The following IFT46 variants were observed in gnomAD, a reference collection of about 807,000 sequenced individuals.
IFT46 encodes intraflagellar transport protein 46 homolog.
IFT46 carries 19 observed loss-of-function variants against 39.6 expected under a neutral mutation model. The ratio of observed to expected loss-of-function variants is 0.48; its 90% CI spans 0.33 to 0.70. The LOEUF is 0.70. IFT46 is among the 30% of genes least tolerant of loss of function. IFT46 has a pLI of 0.01. For synonymous variants in IFT46, 117 were observed against 134.8 expected, an observed-to-expected ratio of 0.87 and a Z score of 0.91; for missense variants, 334 against 364.8, an observed-to-expected ratio of 0.92 and a Z score of 0.69.
At chr11:118,561,482 T>G in intron 2 of IFT46, 1 of 782,736 alleles carries the variant, frequency 1.3e-6, no homozygotes, top group Admixed American at 2.0e-5. Flanking sequence ...AAAGAATAGG[T>G]GGAACTGTCC....
chr11:118,571,308 G>A (rs1938330889), intron 1 of IFT46, among the ~76,000 whole-genome samples: 1 of 152,010 alleles, frequency 6.6e-6, no homozygotes, highest in Admixed American at 6.6e-5. Flanking sequence ...ATATTCCATT[G>A]CATATATATG....
chr11:118,576,151 AT>A (rs1479672702), upstream of IFT46, among the ~76,000 whole-genome samples: 1 of 151,548 alleles, frequency 6.6e-6, no homozygotes, highest in Non-Finnish European at 1.5e-5. Flanking sequence ...CAGAAACCTA[AT>A]TCTCCAGGTT....
At chr11:118,557,668 A>G in intron 3 of IFT46, 2 of 1,569,728 alleles carry the variant, frequency 1.3e-6, no homozygotes, top group Non-Finnish European at 1.8e-6. Flanking sequence ...TTACCCCATA[A>G]ATTACATAAA....
At chr11:118,557,647 T>A (rs1434346663) in intron 3 of IFT46, 2 of 1,468,730 alleles carry the variant, frequency 1.4e-6, no homozygotes, top group Admixed American at 3.4e-5. Context: ...CCTATCTGTA[T>A]TTCCCTTCCC....
chr11:118,558,505 G>C (rs1364577786), intron 3 of IFT46, among the ~76,000 whole-genome samples: 1 of 152,152 alleles, frequency 6.6e-6, no homozygotes, highest in Non-Finnish European at 1.5e-5. Context: ...TGAGGCAGGA[G>C]AATTGCTTGA....
chr11:118,556,877 C>G (rs1555069587), intron 4 of IFT46, 29 bp downstream of exon 4: 3 of 1,516,176 alleles, frequency 2.0e-6, no homozygotes, highest in Non-Finnish European at 2.7e-6. Flanking sequence ...TTCTGAAGAG[C>G]ACCCTTGGCT....
At chr11:118,574,849 C>T (rs1240249893), upstream of IFT46, among the ~76,000 whole-genome samples, 3 of 152,090 alleles carry the variant, frequency 2.0e-5, no homozygotes, top group Admixed American at 6.6e-5. Flanking sequence ...GCACTGCGGC[C>T]TAGAACTCCT....
At chr11:118,547,530 T>C (rs557121441) in intron 9 of IFT46, among the ~76,000 whole-genome samples, 22 of 152,256 alleles carry the variant, frequency 1.4e-4, no homozygotes, top group African/African-American at 5.3e-4. Context: ...GCAATTCTCC[T>C]GTCTCAGCCT....
chr11:118,545,717 G>T, intron 10 of IFT46, 76 bp downstream of exon 10: 2 of 1,449,248 alleles, frequency 1.4e-6, no homozygotes, highest in Non-Finnish European at 1.9e-6. Flanking sequence ...TATCTTCCCA[G>T]AGTAAACAAG....
chr11:118,552,896 A>G (rs1323224430), intron 7 of IFT46, among the ~76,000 whole-genome samples: 1 of 147,600 alleles, frequency 6.8e-6, no homozygotes, highest in Non-Finnish European at 1.5e-5. Context: ...ACATAGGGAG[A>G]CCCTACCTCT....
chr11:118,556,941 A>T lies in IFT46; in HGVS notation c.150T>A (p.Asp50Glu). Residue 50 changes from aspartate to glutamate, a missense_variant, in exon 4 of 12, where the codon GAT becomes GAA. Coordinates refer to ENST00000264021, the MANE Select transcript of IFT46 (RefSeq NM_001168618.2). ...DDSSETDSDSDDDDEEHGAPL... is the reference protein window; with the variant it reads ...DDSSETDSDSEDDDEEHGAPL... The stretch of plus-strand genomic sequence containing the variant: ...GGGCTCCATGCTCTTCATCATCATC[A>T]TCAGAATCAGAATCAGTTTCAGATG... The T allele has an allele frequency of 3.7e-6, 6 of 1,609,364 alleles. No individual in the cohort carries two copies. The highest frequency in any genetic ancestry group is 5.1e-6 in the Non-Finnish European group (6 of 1,177,402).
chr11:118,560,760 G>T, intron 2 of IFT46: 1 of 695,708 alleles, frequency 1.4e-6, no homozygotes, highest in East Asian at 2.5e-5. Context: ...AGAAGACGAC[G>T]AGAGGGTAAA....
Position 118,554,489 on chromosome 11 carries a change from T to C in IFT46, c.453A>G (p.Leu151=), listed in dbSNP as rs782788836. 5 of 1,613,066 alleles carry C rather than the reference T, an allele frequency of 3.1e-6. No individual in the cohort carries two copies. In the East Asian group the frequency reaches 8.9e-5, roughly 29 times the overall value. The stretch of plus-strand genomic sequence containing the variant: ...TGTTGTGCTGCTTAGAATTCTCTGT[T>C]AACCAGAGTGAGAGCACCGTAGGGT... ...QSDPTVLSLW[L]TENSKQHNIT... Residue 151 remains leucine, a synonymous_variant, in exon 7 of 12, where the codon TTA becomes TTG. Transcript: ENST00000264021.
At position 118,544,618 on chromosome 11, in the gene IFT46, TCTTTTAAG is replaced by T. The variant is rs1555066534; in HGVS notation, c.*290_*297del. 9.2e-6 allele frequency: 3 copies of T among 326,500 alleles called. No individual in the cohort carries two copies. The highest frequency in any genetic ancestry group is 6.4e-5 in the African/African-American group (3 of 47,070). The allele number at this position is 326,500 out of a possible 1,614,324, so 20.2% of individuals were successfully genotyped here. A position where few individuals can be genotyped will look rare whatever the true frequency, so the allele number is the denominator to read the frequency against. ...TTCCATCCCTCTCACAAAAAGGACATCTTTTAAGCTTTCCTCCCAATCTAACCTCCATG... is the reference window on the plus strand; with the variant it reads ...TTCCATCCCTCTCACAAAAAGGACATCTTTCCTCCCAATCTAACCTCCATG... On this transcript the variant is annotated 3_prime_UTR_variant, in exon 12 of 12. Coordinates refer to ENST00000264021, the MANE Select transcript of IFT46 (RefSeq NM_001168618.2).
At chr11:118,546,071 A>G (rs941068418) in intron 9 of IFT46, 2 of 714,282 alleles carry the variant, frequency 2.8e-6, no homozygotes, top group Non-Finnish European at 5.2e-6. Context: ...AAATTAAAAC[A>G]AGGTCATTAG....
chr11:118,544,618 T>G lies in IFT46; in HGVS notation c.*298A>C. 2 of 326,618 alleles carry G rather than the reference T, an allele frequency of 6.1e-6. No homozygotes were observed. The highest frequency in any genetic ancestry group is 7.2e-5 in the South Asian group (1 of 13,916). 20.2% of individuals were successfully genotyped at this position (326,618 alleles called of 1,614,324 possible). ...TTCCATCCCTCTCACAAAAAGGACA[T>G]CTTTTAAGCTTTCCTCCCAATCTAA... On this transcript the variant is annotated 3_prime_UTR_variant, in exon 12 of 12. Coordinates refer to ENST00000264021, the MANE Select transcript of IFT46 (RefSeq NM_001168618.2).
chr11:118,571,250 A>T (rs1555072332), intron 1 of IFT46, among the ~76,000 whole-genome samples: 2 of 152,166 alleles, frequency 1.3e-5, no homozygotes, highest in East Asian at 3.8e-4. Context: ...CTCAAGGTTC[A>T]TCCATATTGT....
upstream of IFT46, among the ~76,000 whole-genome samples, chr11:118,576,432 A>C (rs1233255164): frequency 2.1e-5 from 3 of 141,502 alleles, no homozygotes; most frequent in East Asian, 2.6e-4. Flanking sequence ...ATGTTAAAAA[A>C]AAAAAAAAAA....
At chr11:118,555,374 G>T in intron 4 of IFT46, 52 bp from the exon 5 acceptor site, 1 of 1,399,250 alleles carries the variant, frequency 7.1e-7, no homozygotes, top group Non-Finnish European at 1.0e-6. Context: ...AGCAGAGGTG[G>T]CAGGGTCCTA....
Sources: gnomAD v4.1 joint callset for allele counts (sites outside exome capture counted in the v4.1 genomes callset) on GRCh38, gnomAD v4.1.1 for gene constraint, MANE v1.5 for transcripts, NCBI Gene and HGNC (gene_info 2026-07-23, HGNC 2026-07-21) for gene names.